Variants in PRKCZ observed in about 807,000 individuals in gnomAD.
PRKCZ encodes the protein protein kinase C zeta.
PRKCZ carries 33 observed loss-of-function variants against 79.5 expected under a neutral mutation model. The ratio of observed to expected loss-of-function variants is 0.41; its 90% CI spans 0.31 to 0.55. The LOEUF (loss-of-function observed/expected upper bound fraction) is 0.55, where lower values mean the gene tolerates loss of function less well. PRKCZ is among the 20% of genes least tolerant of loss of function. The probability of loss-of-function intolerance (pLI) is 0.19; values close to 1 mark genes in which losing one functional copy is unlikely to be tolerated. For synonymous variants in PRKCZ, 342 were observed against 320.9 expected, an observed-to-expected ratio of 1.07 and a Z score of -0.70; for missense variants, 578 against 813.5, an observed-to-expected ratio of 0.71 and a Z score of 3.52.
At chr1:2,063,880 C>T (rs1488611426) in intron 4 of PRKCZ, among the ~76,000 whole-genome samples, 3 of 126,188 alleles carry the variant, frequency 2.4e-5, no homozygotes, top group Non-Finnish European at 4.7e-5. Context: ...GAGTCTTGGT[C>T]TGTTGCCCAG....
At chr1:2,111,411 G>A (rs1001665714) in intron 4 of PRKCZ, among the ~76,000 whole-genome samples, 2 of 151,918 alleles carry the variant, frequency 1.3e-5, no homozygotes, top group Non-Finnish European at 2.9e-5. Context: ...GGCAGGATGA[G>A]GGGGCCAGAG....
intron 10 of PRKCZ, among the ~76,000 whole-genome samples, chr1:2,158,485 C>T (rs1008139809): frequency 2.2e-4 from 34 of 152,238 alleles, no homozygotes; most frequent in African/African-American, 6.8e-4. Context: ...CCCTGCTTCC[C>T]GGAGTGAGTC....
intron 10 of PRKCZ, among the ~76,000 whole-genome samples, chr1:2,160,962 G>A (rs953209538): frequency 2.1e-5 from 3 of 141,258 alleles, no homozygotes; most frequent in African/African-American, 6.4e-5. Flanking sequence ...CGCCGCCGTC[G>A]GGGTGGAGGC....
intron 4 of PRKCZ, among the ~76,000 whole-genome samples, chr1:2,101,019 TAAA>T (rs3067304): frequency 0.059 from 7,852 of 133,426 alleles, 630 homozygotes; most frequent in African/African-American, 0.18. Flanking sequence ...TTTATTTTGT[TAAA>T]AAAAAAAAAA....
chr1:2,074,418 C>T, intron 4 of PRKCZ: 1 of 1,224,020 alleles, frequency 8.2e-7, no homozygotes, highest in Non-Finnish European at 1.1e-6. Flanking sequence ...GTGGCCGATG[C>T]TTTTTGGTTG....
chr1:2,173,824 C>A lies in PRKCZ; in HGVS notation c.1286-73C>A. ...ACTCGTGTCAACTGGGCATGAAAAC[C>A]AACGCCAGCCAGGTTCGTCCTGCTG... On this transcript the variant is annotated intron_variant, in intron 13 of 17. Transcript: ENST00000378567. This position sits in a 1 kb window ranked among gnomAD's most constrained non-coding sequence, Gnocchi z 5.7. The A allele has an allele frequency of 6.6e-7, 1 of 1,505,342 alleles. No individual in the cohort carries two copies. Among genetic ancestry groups the A allele is most frequent in the African/African-American group, 1.4e-5 (1 of 71,056 alleles). 93.2% of individuals were successfully genotyped at this position (1,505,342 alleles called of 1,614,324 possible).
At chr1:2,071,562 A>C (rs973524979) in intron 4 of PRKCZ, 2 of 183,420 alleles carry the variant, frequency 1.1e-5, no homozygotes, top group South Asian at 7.8e-5. Flanking sequence ...TATTTGCAAC[A>C]AACTGGAAAA....
At chr1:2,080,056 G>T (rs1663195885) in intron 4 of PRKCZ, among the ~76,000 whole-genome samples, 1 of 152,208 alleles carries the variant, frequency 6.6e-6, no homozygotes, top group Admixed American at 6.5e-5. Flanking sequence ...CTCTGACTTG[G>T]GGCCCTTCTT....
chr1:2,051,597 A>G (rs1172047216), intron 1 of PRKCZ, among the ~76,000 whole-genome samples: 1 of 152,098 alleles, frequency 6.6e-6, no homozygotes, highest in African/African-American at 2.4e-5. Flanking sequence ...GGGATCTCGA[A>G]AAGCTGCTCC....
chr1:2,054,248 C>T (rs1316564406), intron 1 of PRKCZ, among the ~76,000 whole-genome samples: 1 of 152,156 alleles, frequency 6.6e-6, no homozygotes, highest in Non-Finnish European at 1.5e-5. Flanking sequence ...TTTTATAGGC[C>T]CTGTGCTCTT....
intron 4 of PRKCZ, among the ~76,000 whole-genome samples, chr1:2,086,733 G>T (rs1449150540): frequency 6.6e-6 from 1 of 152,200 alleles, no homozygotes; most frequent in Admixed American, 6.5e-5. Flanking sequence ...CAGTTCCCGC[G>T]GCAGCTCCCA....
chr1:2,127,821 G>C lies in PRKCZ; in HGVS notation c.335-7441G>C, dbSNP rs1674241533. 6.6e-6 allele frequency among the ~76,000 whole-genome samples: 1 copy of C among 152,356 alleles called. No homozygotes were observed. Among genetic ancestry groups the C allele is most frequent in the South Asian group, 2.1e-4 (1 of 4,832 alleles). ...CAGTTTGTGGACCAATGGCCAACCA[G>C]GCTGAGTCAGGTGAGGTGGGGAGTC... is the stretch of plus-strand genomic sequence containing the variant. On this transcript the variant is annotated intron_variant, in intron 4 of 17. Coordinates refer to ENST00000378567, the MANE Select transcript of PRKCZ (RefSeq NM_002744.6). This position sits in a 1 kb window ranked among gnomAD's most constrained non-coding sequence, Gnocchi z 5.1.
rs1557613003 is a variant in PRKCZ, at chr1:2,121,676, G to GGTAGTTAGGCACACGGTGGTA, written c.335-13584_335-13583insAGTTAGGCACACGGTGGTAGT. On this transcript the variant is annotated intron_variant, in intron 4 of 17. Transcript: ENST00000378567. ...CGGTGGTGGTTAGGGTCGTGGTGGTGGTTAGGGTCACGGTGGTGGTTAGGG... is the reference window on the plus strand; with the variant it reads ...CGGTGGTGGTTAGGGTCGTGGTGGTGGTAGTTAGGCACACGGTGGTAGTTAGGGTCACGGTGGTGGTTAGGG... Among the ~76,000 whole-genome samples, 9 of 18,560 alleles carry GGTAGTTAGGCACACGGTGGTA rather than the reference G, an allele frequency of 4.8e-4. 2 individuals are homozygous for GGTAGTTAGGCACACGGTGGTA. Among genetic ancestry groups the GGTAGTTAGGCACACGGTGGTA allele is most frequent in the African/African-American group, 3.7e-3 (8 of 2,148 alleles). The allele number at this position is 18,560 out of a possible 152,430, so 12.2% of individuals were successfully genotyped here.
intron 4 of PRKCZ, among the ~76,000 whole-genome samples, chr1:2,131,467 C>G (rs778898800): frequency 1.3e-5 from 2 of 152,164 alleles, no homozygotes; most frequent in African/African-American, 4.8e-5. Context: ...AAAACCAACC[C>G]TTAAAGTTTA....
rs542863892 is a variant in PRKCZ, at chr1:2,144,859, T to C, written c.552+518T>C. On this transcript the variant is annotated intron_variant, in intron 6 of 17. Coordinates refer to ENST00000378567, the MANE Select transcript of PRKCZ (RefSeq NM_002744.6). ...GGGGGCCTTATTGACTTTTGCTTAT[T>C]GAAGGCTGCCTCTGGCATTTCCGTG... 25 of 163,418 alleles carry C rather than the reference T, an allele frequency of 1.5e-4. 1 individual carries two copies. The South Asian group carries it at 3.7e-3, about 24-fold the overall frequency. 10.1% of individuals were successfully genotyped at this position (163,418 alleles called of 1,614,324 possible).
chr1:2,092,140 C>T (rs1026553384), intron 4 of PRKCZ, among the ~76,000 whole-genome samples: 2 of 152,160 alleles, frequency 1.3e-5, no homozygotes, highest in African/African-American at 4.8e-5. Flanking sequence ...CCATGCCAGC[C>T]GCCCCCTTGG....
intron 3 of PRKCZ, among the ~76,000 whole-genome samples, chr1:2,057,059 A>G (rs1301654440): frequency 6.6e-6 from 1 of 152,090 alleles, no homozygotes; most frequent in Admixed American, 6.5e-5. Flanking sequence ...CCCAAATGAA[A>G]ACTGCTCTTA....
At chr1:2,181,993 C>T (rs1686702929) in intron 16 of PRKCZ, 1 of 389,436 alleles carries the variant, frequency 2.6e-6, no homozygotes, top group African/African-American at 2.1e-5. Context: ...CACCCAGTGG[C>T]CTGGCCGTGG....
intron 3 of PRKCZ, 76 bp downstream of exon 3, chr1:2,056,649 A>G (rs1440449296): frequency 7.5e-6 from 10 of 1,325,712 alleles, no homozygotes; most frequent in Non-Finnish European, 9.4e-6. Context: ...TAGCTGGGGG[A>G]TTTAAAATGG....
Sources: gnomAD v4.1 joint callset for allele counts (sites outside exome capture counted in the v4.1 genomes callset) on GRCh38, gnomAD v4.1.1 for gene constraint, Gnocchi (gnomAD v3.1) non-coding constraint, MANE v1.5 for transcripts, NCBI Gene and HGNC (gene_info 2026-07-23, HGNC 2026-07-21) for gene names.